TNIK: variants seen among roughly 807,000 people sequenced by gnomAD.
TNIK encodes the protein TRAF2 and NCK-interacting protein kinase.
TNIK carries 49 observed loss-of-function variants against 191.3 expected under a neutral mutation model. The ratio of observed to expected loss-of-function variants is 0.26; its 90% CI spans 0.20 to 0.32. The LOEUF (loss-of-function observed/expected upper bound fraction) is 0.32, where lower values mean the gene tolerates loss of function less well. TNIK is among the 10% of genes least tolerant of loss of function. TNIK has a pLI of 1.00. For synonymous variants in TNIK, 594 were observed against 600.9 expected, an observed-to-expected ratio of 0.99 and a Z score of 0.17; for missense variants, 1,155 against 1,702.3, an observed-to-expected ratio of 0.68 and a Z score of 5.66.
chr3:171,282,334 G>GGTTTTTTTTT (rs1553878294), intron 2 of TNIK, among the ~76,000 whole-genome samples: 1 of 114,550 alleles, frequency 8.7e-6, no homozygotes, highest in African/African-American at 3.5e-5. Flanking sequence ...TCTCTTAATG[G>GGTTTTTTTTT]TTTTTTGTTT....
chr3:171,398,041 GAA>G (rs956987087), intron 1 of TNIK, among the ~76,000 whole-genome samples: 2 of 152,196 alleles, frequency 1.3e-5, no homozygotes, highest in African/African-American at 4.8e-5. Context: ...GCTGGAGAAA[GAA>G]AATACAACAG....
intron 2 of TNIK, among the ~76,000 whole-genome samples, chr3:171,238,106 A>G (rs144897794): frequency 0.011 from 1,642 of 152,278 alleles, 25 homozygotes; most frequent in African/African-American, 0.037. Context: ...TGCGATTGTG[A>G]TTTCTGAGCA....
intron 2 of TNIK, among the ~76,000 whole-genome samples, chr3:171,252,078 G>A (rs1373834904): frequency 1.3e-5 from 2 of 151,918 alleles, no homozygotes; most frequent in South Asian, 4.2e-4. Context: ...GTGTGTGTGT[G>A]TGCGTGTGTG....
chr3:171,217,044 C>G (rs1741537032), intron 3 of TNIK, among the ~76,000 whole-genome samples: 1 of 152,038 alleles, frequency 6.6e-6, no homozygotes, highest in Non-Finnish European at 1.5e-5. Flanking sequence ...AAACCCATTA[C>G]TAGGTATATA....
intron 21 of TNIK, among the ~76,000 whole-genome samples, 190 bp downstream of exon 21, chr3:171,106,993 G>GAAGCTATATGGGTAGGTTT (rs1205982758): frequency 3.3e-5 from 5 of 152,194 alleles, no homozygotes; most frequent in Non-Finnish European, 5.9e-5. Context: ...GAAGGTCTCT[G>GAAGCTATATGGGTAGGTTT]AAGCTATATG....
At chr3:171,423,358 T>C (rs6767641) in intron 1 of TNIK, among the ~76,000 whole-genome samples, 5,827 of 151,616 alleles carry the variant, frequency 0.038, 364 homozygotes, top group African/African-American at 0.13. Context: ...GAAGAACATT[T>C]CATGCTCATG....
chr3:171,218,034 CCG>C (rs1741672675), intron 3 of TNIK, among the ~76,000 whole-genome samples: 1 of 152,060 alleles, frequency 6.6e-6, no homozygotes, highest in African/African-American at 2.4e-5. Context: ...GCACAGAATA[CCG>C]TGTTCTACAT....
chr3:171,270,074 A>G (rs946533923), intron 2 of TNIK, among the ~76,000 whole-genome samples: 1 of 152,116 alleles, frequency 6.6e-6, no homozygotes, highest in Non-Finnish European at 1.5e-5. Context: ...CCACATTTAC[A>G]CACTTACTTT....
rs143988667 is a variant in TNIK, at chr3:171,124,988, T to C, written c.2013+924A>G. ...TTCCACAAAGAATCTCAAAAAATTA[T>C]CAGCTTTTTTTATTTTCAAAATAAT... On this transcript the variant is annotated intron_variant, in intron 17 of 32. Transcript: ENST00000436636. 3.3e-4 allele frequency among the ~76,000 whole-genome samples: 51 copies of C among 152,338 alleles called. No homozygotes were observed. In the East Asian group the frequency reaches 6.0e-3, roughly 18 times the overall value.
intron 13 of TNIK, among the ~76,000 whole-genome samples, chr3:171,140,173 T>A (rs1414257194): frequency 6.6e-6 from 1 of 152,210 alleles, no homozygotes; most frequent in Non-Finnish European, 1.5e-5. Context: ...AATCGGAAGA[T>A]CCGGGTATGT....
chr3:171,085,563 A>C (rs1037678828), intron 24 of TNIK, among the ~76,000 whole-genome samples: 1 of 152,226 alleles, frequency 6.6e-6, no homozygotes, highest in Non-Finnish European at 1.5e-5. Context: ...GCAACCTCCT[A>C]TATTGACTAC....
At chr3:171,247,147 G>A (rs1327677789) in intron 2 of TNIK, among the ~76,000 whole-genome samples, 1 of 152,314 alleles carries the variant, frequency 6.6e-6, no homozygotes, top group African/African-American at 2.4e-5. Flanking sequence ...TTACACTTGG[G>A]AGTTACAAGA....
chr3:171,399,200 G>A (rs1720606008), intron 1 of TNIK, among the ~76,000 whole-genome samples: 2 of 152,240 alleles, frequency 1.3e-5, no homozygotes, highest in Admixed American at 6.5e-5. Flanking sequence ...TGAAGCATAT[G>A]TGCTCAATTT....
At chr3:171,298,582 C>A (rs1752565745) in intron 2 of TNIK, among the ~76,000 whole-genome samples, 1 of 152,116 alleles carries the variant, frequency 6.6e-6, no homozygotes, top group South Asian at 2.1e-4. Flanking sequence ...TGGCTGTGTC[C>A]TTTCTTATCA....
chr3:171,168,771 G>T (rs1734925707), intron 9 of TNIK, among the ~76,000 whole-genome samples: 1 of 152,156 alleles, frequency 6.6e-6, no homozygotes, highest in African/African-American at 2.4e-5. Context: ...GCATATCCTT[G>T]CTTCTTCCCA....
chr3:171,151,915 G>A (rs1043725104), intron 12 of TNIK, among the ~76,000 whole-genome samples: 2 of 152,144 alleles, frequency 1.3e-5, no homozygotes, highest in South Asian at 2.1e-4. Context: ...CCACACCAGC[G>A]GCTTCTCTGG....
At chr3:171,352,346 T>C (rs1004967924) in intron 2 of TNIK, among the ~76,000 whole-genome samples, 5 of 152,222 alleles carry the variant, frequency 3.3e-5, no homozygotes, top group African/African-American at 1.2e-4. Flanking sequence ...TCCACAAGGC[T>C]ACCACACCCC....
intron 2 of TNIK, among the ~76,000 whole-genome samples, chr3:171,297,284 G>A (rs924803920): frequency 6.6e-6 from 1 of 152,176 alleles, no homozygotes; most frequent in Non-Finnish European, 1.5e-5. Flanking sequence ...CAGATGCCAT[G>A]CCCATAGAGA....
chr3:171,239,660 C>T (rs1387669055), intron 2 of TNIK, among the ~76,000 whole-genome samples: 1 of 152,192 alleles, frequency 6.6e-6, no homozygotes, highest in African/African-American at 2.4e-5. Flanking sequence ...ACTGCATTTG[C>T]GATTGTGATT....
Sources: gnomAD v4.1 joint callset for allele counts (sites outside exome capture counted in the v4.1 genomes callset) on GRCh38, gnomAD v4.1.1 for gene constraint, MANE v1.5 for transcripts, NCBI Gene and HGNC (gene_info 2026-07-23, HGNC 2026-07-21) for gene names.